Variants in TMC1 observed in about 807,000 individuals in gnomAD.
TMC1 encodes the protein transmembrane channel like 1.
In TMC1, 84 loss-of-function variants were observed where a neutral mutation model predicts 105.8. The observed-to-expected ratio is 0.79, with a 90% confidence interval of 0.67 to 0.95. The LOEUF (loss-of-function observed/expected upper bound fraction) is 0.95, where lower values mean the gene tolerates loss of function less well. TMC1 is among the 40% of genes least tolerant of loss of function. The pLI, the probability that TMC1 is intolerant of heterozygous loss-of-function variation, is 0.00. For synonymous variants in TMC1, 315 were observed against 311.5 expected (o/e 1.01, Z -0.12); for missense variants, 817 against 914.1 (o/e 0.89, Z 1.37).
At chr9:72,608,328 G>A (rs930778175) in intron 2 of TMC1, among the ~76,000 whole-genome samples, 2 of 152,136 alleles carry the variant, frequency 1.3e-5, no homozygotes, top group African/African-American at 2.4e-5. Flanking sequence ...CACTGATAAC[G>A]CTGATACCAC....
chr9:72,759,248 C>T (rs2118082424), intron 12 of TMC1, among the ~76,000 whole-genome samples: 1 of 152,202 alleles, frequency 6.6e-6, no homozygotes, highest in East Asian at 1.9e-4. Flanking sequence ...AGTGAAGAGG[C>T]ATTGCTGGAG....
chr9:72,534,339 A>G (rs1212606579), intron 1 of TMC1, among the ~76,000 whole-genome samples: 3 of 152,152 alleles, frequency 2.0e-5, no homozygotes, highest in Non-Finnish European at 4.4e-5. Context: ...GAAATATCAC[A>G]TTAGGATCCA....
rs373847743 is a variant in TMC1, at chr9:72,792,214, G to A, written c.1428G>A (p.Lys476=). 21 of 1,613,936 alleles carry A rather than the reference G, an allele frequency of 1.3e-5. No homozygotes were observed. Among genetic ancestry groups the A allele is most frequent in the Non-Finnish European group, 1.8e-5 (21 of 1,179,990 alleles). The change falls in exon 17 of 24, where the codon AAG becomes AAA. Residue 476 remains lysine, a synonymous_variant. Transcript: ENST00000297784. The part of the protein sequence containing the change: ...NNKIEEEKLV[K]ANITLWEANM... The stretch of plus-strand genomic sequence containing the variant: ...AGATTGAAGAGGAGAAGCTAGTAAA[G>A]GCCAATATTACCCTTTGGGAAGCCA...
chr9:72,557,302 C>T (rs1349313903), intron 1 of TMC1, among the ~76,000 whole-genome samples: 1 of 151,998 alleles, frequency 6.6e-6, no homozygotes, highest in Non-Finnish European at 1.5e-5. Flanking sequence ...ACCCGGGGGG[C>T]AAAGATTGCA....
chr9:72,714,166 G>A (rs1198464201), intron 8 of TMC1, among the ~76,000 whole-genome samples: 1 of 152,146 alleles, frequency 6.6e-6, no homozygotes, highest in Non-Finnish European at 1.5e-5. Flanking sequence ...CATTTGCTGA[G>A]GAGTGTTTTA....
intron 12 of TMC1, among the ~76,000 whole-genome samples, chr9:72,766,573 T>TG (rs1827842341): frequency 6.6e-6 from 1 of 151,960 alleles, no homozygotes; most frequent in Non-Finnish European, 1.5e-5. Context: ...AAAGTGGAAG[T>TG]GGGGCAGCAG....
chr9:72,622,445 T>C (rs1825270192), intron 3 of TMC1, among the ~76,000 whole-genome samples: 1 of 152,214 alleles, frequency 6.6e-6, no homozygotes, highest in Non-Finnish European at 1.5e-5. Flanking sequence ...GGGCTTGTCC[T>C]CATCCTTAGT....
At chr9:72,633,088 G>T (rs1053853666) in intron 4 of TMC1, among the ~76,000 whole-genome samples, 1 of 151,842 alleles carries the variant, frequency 6.6e-6, no homozygotes, top group African/African-American at 2.4e-5. Flanking sequence ...TGATTCAAAA[G>T]AAGACTTTGA....
In TMC1 at chr9:72,770,943, A is replaced by G. The variant is rs571835041; in HGVS notation, c.742-1470A>G. Among the ~76,000 whole-genome samples the G allele has an allele frequency of 3.3e-5, 5 of 152,240 alleles. No individual in the cohort carries two copies. In the South Asian group the frequency reaches 6.2e-4, roughly 19 times the overall value. ...CCAGCCATGCTGGGGAGGGCAATCTACTTTACTGAGTCCACCTATTTAACT... is the reference window on the plus strand; with the variant it reads ...CCAGCCATGCTGGGGAGGGCAATCTGCTTTACTGAGTCCACCTATTTAACT... On this transcript the variant is annotated intron_variant, in intron 12 of 23. Coordinates refer to ENST00000297784, the MANE Select transcript of TMC1 (RefSeq NM_138691.3).
intron 4 of TMC1, among the ~76,000 whole-genome samples, chr9:72,631,808 G>A (rs1200481799): frequency 6.6e-6 from 1 of 152,002 alleles, no homozygotes; most frequent in East Asian, 1.9e-4. Context: ...GCATCAATGA[G>A]GCCTATAAAA....
intron 17 of TMC1, among the ~76,000 whole-genome samples, chr9:72,794,283 C>T (rs751954314): frequency 9.2e-5 from 14 of 152,284 alleles, no homozygotes; most frequent in African/African-American, 2.2e-4. Context: ...AGAAACATAA[C>T]GCTGAGATTG....
At chr9:72,781,286 A>C (rs1332081343) in intron 13 of TMC1, among the ~76,000 whole-genome samples, 1 of 152,172 alleles carries the variant, frequency 6.6e-6, no homozygotes, top group Non-Finnish European at 1.5e-5. Flanking sequence ...CAAAGACATG[A>C]CATACCAGAA....
intron 8 of TMC1, among the ~76,000 whole-genome samples, chr9:72,721,523 T>G (rs1416944538): frequency 6.6e-6 from 1 of 152,250 alleles, no homozygotes; most frequent in Non-Finnish European, 1.5e-5. Flanking sequence ...TGTTAATCTG[T>G]CATTTGTTAC....
chr9:72,776,526 G>T (rs1371516240), intron 13 of TMC1, among the ~76,000 whole-genome samples: 1 of 152,088 alleles, frequency 6.6e-6, no homozygotes, highest in African/African-American at 2.4e-5. Context: ...GATCCTAAAT[G>T]AACTGCACAA....
At chr9:72,814,096 T>C (rs746094610) in intron 18 of TMC1, among the ~76,000 whole-genome samples, 1 of 152,156 alleles carries the variant, frequency 6.6e-6, no homozygotes, top group Non-Finnish European at 1.5e-5. Context: ...AAAACAGGCA[T>C]TTAAAACGTT....
At chr9:72,773,351 G>T (rs539103259) in intron 13 of TMC1, among the ~76,000 whole-genome samples, 1 of 152,206 alleles carries the variant, frequency 6.6e-6, no homozygotes, top group East Asian at 1.9e-4. Flanking sequence ...CTCATTGTAG[G>T]AGGTCCCTCA....
At chr9:72,623,826 C>T (rs374161607) in intron 3 of TMC1, among the ~76,000 whole-genome samples, 9 of 152,066 alleles carry the variant, frequency 5.9e-5, no homozygotes, top group African/African-American at 2.2e-4. Context: ...ATGATAAGAC[C>T]AGTGACTCCC....
At chr9:72,557,361 ACT>A (rs765674191) in intron 1 of TMC1, among the ~76,000 whole-genome samples, 3 of 151,874 alleles carry the variant, frequency 2.0e-5, no homozygotes, top group South Asian at 4.2e-4. Context: ...ACAGAGTGAG[ACT>A]CTCAAAAAAA....
At chr9:72,681,663 C>CA (rs1017450067) in intron 5 of TMC1, among the ~76,000 whole-genome samples, 2 of 151,840 alleles carry the variant, frequency 1.3e-5, no homozygotes, top group African/African-American at 2.4e-5. Context: ...GGAAAACGTG[C>CA]AAAAAAATTG....
Sources: gnomAD v4.1 joint callset for allele counts (sites outside exome capture counted in the v4.1 genomes callset) on GRCh38, gnomAD v4.1.1 for gene constraint, MANE v1.5 for transcripts, NCBI Gene and HGNC (gene_info 2026-07-23, HGNC 2026-07-21) for gene names.